The following FOXP2 variants were observed in gnomAD, a reference collection of about 807,000 sequenced individuals.
The protein encoded by FOXP2 is forkhead box protein P2.
Under a neutral mutation model 115.8 loss-of-function variants are expected in FOXP2, and 12 were observed. That is an observed-to-expected ratio of 0.10 (90% CI 0.07 to 0.17). The LOEUF is 0.17. Ranked by LOEUF, FOXP2 falls within the 10% of genes least tolerant of loss-of-function variation. The pLI is 1.00. For missense variants in FOXP2, 629 were observed against 843.5 expected (o/e 0.75, Z 3.15); for synonymous variants, 328 against 297.7 (o/e 1.10, Z -1.05).
intron 3 of FOXP2, among the ~76,000 whole-genome samples, chr7:114,571,440 A>G (rs1418539033): frequency 1.3e-5 from 2 of 151,836 alleles, no homozygotes; most frequent in Admixed American, 1.3e-4. Flanking sequence ...AAGAATTTTT[A>G]AATAAAGCAA....
At position 114,550,112 on chromosome 7, in the gene FOXP2, C is replaced by CTTTTTT. The variant is rs941573098; in HGVS notation, c.258+15424_258+15429dup. Among the ~76,000 whole-genome samples the CTTTTTT allele has an allele frequency of 3.0e-3, 312 of 103,256 alleles. 2 individuals carry two copies. Among genetic ancestry groups the CTTTTTT allele is most frequent in the Non-Finnish European group, 3.8e-3 (192 of 50,910 alleles). The allele number at this position is 103,256 out of a possible 152,430, so 67.7% of individuals were successfully genotyped here. A position where few individuals can be genotyped will look rare whatever the true frequency, so the allele number is the denominator to read the frequency against. ...TTGAGAGCTCATCTTCCTTTCTTTT[C>CTTTTTT]TTTTTTTTTTTTTTTTTTTTTTTGA... On this transcript the variant is annotated intron_variant, in intron 3 of 16. Transcript: ENST00000350908.
intron 2 of FOXP2, among the ~76,000 whole-genome samples, chr7:114,493,982 G>A (rs1306242315): frequency 6.6e-6 from 1 of 151,714 alleles, no homozygotes; most frequent in Non-Finnish European, 1.5e-5. Flanking sequence ...TAATTCTAAT[G>A]TCAACAGTTC....
intron 1 of FOXP2, among the ~76,000 whole-genome samples, chr7:114,193,994 G>A (rs1793831428): frequency 6.6e-6 from 1 of 150,954 alleles, no homozygotes; most frequent in Non-Finnish European, 1.5e-5. Flanking sequence ...CCTGCCAGTG[G>A]CAGTGCACTT....
At chr7:114,582,154 T>C (rs1428926063) in intron 3 of FOXP2, among the ~76,000 whole-genome samples, 1 of 152,062 alleles carries the variant, frequency 6.6e-6, no homozygotes, top group African/African-American at 2.4e-5. Flanking sequence ...GTCTGAAACA[T>C]GATGGGAGGA....
rs557855406 is a variant in FOXP2 at position 114,663,144 on chromosome 7, T to A, written c.1770-306T>A. ...CATTTTAAAAATTTTGTATGAATGT[T>A]GCTGTTCTTGCAAATGAAACCTTCA... On this transcript the variant is annotated intron_variant, in intron 14 of 16. Transcript: ENST00000350908. Among the ~76,000 whole-genome samples, 16 of 152,248 alleles carry A rather than the reference T, an allele frequency of 1.1e-4. No individual in the cohort carries two copies. In the East Asian group the frequency reaches 3.1e-3, roughly 29 times the overall value.
intron 3 of FOXP2, among the ~76,000 whole-genome samples, chr7:114,572,516 T>C (rs890999619): frequency 2.0e-5 from 3 of 151,836 alleles, no homozygotes; most frequent in Non-Finnish European, 4.4e-5. Flanking sequence ...TAAAGGAAGA[T>C]AAATTTTAGG....
At chr7:114,265,675 G>A (rs568584802) in intron 1 of FOXP2, among the ~76,000 whole-genome samples, 153 of 152,132 alleles carry the variant, frequency 1.0e-3, no homozygotes, top group South Asian at 2.3e-3. Flanking sequence ...AGAGGTTCTC[G>A]GTGGGGACTC....
intron 1 of FOXP2, among the ~76,000 whole-genome samples, chr7:114,198,592 G>A (rs1200057008): frequency 1.3e-5 from 2 of 152,198 alleles, no homozygotes; most frequent in East Asian, 3.9e-4. Flanking sequence ...CTGCTGATCT[G>A]ACGGGAGGTG....
chr7:114,518,808 A>G (rs1486867447), intron 2 of FOXP2, among the ~76,000 whole-genome samples: 1 of 152,162 alleles, frequency 6.6e-6, no homozygotes, highest in East Asian at 1.9e-4. Flanking sequence ...GCTTGGCCCT[A>G]GAATTTTAAG....
At chr7:114,579,968 G>GAGA (rs1801764607) in intron 3 of FOXP2, among the ~76,000 whole-genome samples, 1 of 152,140 alleles carries the variant, frequency 6.6e-6, no homozygotes, top group Non-Finnish European at 1.5e-5. Context: ...AAGTAGTTAG[G>GAGA]AGAGGTTTAT....
At chr7:114,642,314 G>A in intron 6 of FOXP2, 96 bp from the exon 7 acceptor site, 2 of 924,692 alleles carry the variant, frequency 2.2e-6, no homozygotes, top group East Asian at 2.6e-5. Flanking sequence ...TAACATCACT[G>A]TTGTTGTTGG....
chr7:114,458,892 T>G (rs1795439983), intron 2 of FOXP2, among the ~76,000 whole-genome samples: 1 of 152,146 alleles, frequency 6.6e-6, no homozygotes, highest in African/African-American at 2.4e-5. Context: ...CATGATTCTG[T>G]GGACCGAGGG....
At chr7:114,380,895 T>C (rs537851507) in intron 2 of FOXP2, among the ~76,000 whole-genome samples, 10 of 152,352 alleles carry the variant, frequency 6.6e-5, no homozygotes, top group Non-Finnish European at 1.3e-4. Flanking sequence ...GCTTGTCCTT[T>C]GGACCTGTGT....
chr7:114,566,152 G>A (rs908440231), intron 3 of FOXP2, among the ~76,000 whole-genome samples: 4 of 152,116 alleles, frequency 2.6e-5, no homozygotes, highest in Non-Finnish European at 5.9e-5. Context: ...AACAGTTGGA[G>A]GGGCAGAAAG....
chr7:114,619,532 T>C (rs923862571), intron 3 of FOXP2, among the ~76,000 whole-genome samples: 8 of 152,110 alleles, frequency 5.3e-5, no homozygotes, highest in Non-Finnish European at 8.8e-5. Context: ...TTATAACATA[T>C]ATGTTTCATT....
At chr7:114,591,998 GC>G (rs1802459536) in intron 3 of FOXP2, among the ~76,000 whole-genome samples, 1 of 151,992 alleles carries the variant, frequency 6.6e-6, no homozygotes, top group African/African-American at 2.4e-5. Context: ...GCCATGTGTG[GC>G]TAGTGGCTAC....
intron 1 of FOXP2, among the ~76,000 whole-genome samples, chr7:114,205,074 G>A (rs554504377): frequency 5.3e-5 from 8 of 152,102 alleles, no homozygotes; most frequent in Non-Finnish European, 1.0e-4. Flanking sequence ...ATACAGCAAA[G>A]AGAAGATTTC....
intron 2 of FOXP2, among the ~76,000 whole-genome samples, chr7:114,370,298 C>T (rs1368405225): frequency 2.0e-5 from 3 of 152,212 alleles, no homozygotes; most frequent in African/African-American, 7.2e-5. Context: ...ATAGACATCA[C>T]ACAGAATACC....
At chr7:114,395,293 G>A (rs1792711008) in intron 2 of FOXP2, among the ~76,000 whole-genome samples, 1 of 152,166 alleles carries the variant, frequency 6.6e-6, no homozygotes, top group Non-Finnish European at 1.5e-5. Context: ...AGGAAGAGGA[G>A]TTAATTTCTG....
Sources: allele counts gnomAD v4.1 joint callset (sites outside exome capture counted in the v4.1 genomes callset), GRCh38; gene constraint gnomAD v4.1.1; transcripts MANE v1.5; gene names NCBI Gene and HGNC (gene_info 2026-07-23, HGNC 2026-07-21).